Variants in USP9X observed in about 807,000 individuals in gnomAD.
USP9X encodes ubiquitin specific peptidase 9 X-linked, also known as ubiquitin carboxyl-terminal hydrolase 9X.
A neutral mutation model predicts 190.3 loss-of-function variants in USP9X; 7 were observed. That is an observed-to-expected ratio of 0.04 (90% CI 0.02 to 0.07). The LOEUF is 0.07. Ranked by LOEUF, USP9X falls within the 10% of genes least tolerant of loss-of-function variation. The pLI, the probability that USP9X is intolerant of heterozygous loss-of-function variation, is 1.00. For missense variants in USP9X, 1,010 were observed against 1,916.9 expected, an observed-to-expected ratio of 0.53 and a Z score of 8.83; for synonymous variants, 645 against 659.5, an observed-to-expected ratio of 0.98 and a Z score of 0.34.
chrX:41,124,625 A>G (rs2062220670), intron 2 of USP9X, among the ~76,000 whole-genome samples: 2 of 111,654 alleles, frequency 1.8e-5, no homozygotes, highest in African/African-American at 3.3e-5. Flanking sequence ...AGTGTAGCCT[A>G]TGGTTAGCAT....
intron 1 of USP9X, among the ~76,000 whole-genome samples, chrX:41,093,146 G>T (rs2061966063): frequency 9.0e-6 from 1 of 111,657 alleles, no homozygotes. Flanking sequence ...GGGATTATAG[G>T]CCTGAGCCAC....
At chrX:41,202,976 G>C (rs1477923774) in intron 31 of USP9X, among the ~76,000 whole-genome samples, 5 of 111,331 alleles carry the variant, frequency 4.5e-5, no homozygotes, top group African/African-American at 6.5e-5. Flanking sequence ...TTATGTTTTT[G>C]TTTCCATCCC....
chrX:41,200,777 A>T (rs1260186094), intron 30 of USP9X, among the ~76,000 whole-genome samples: 1 of 112,636 alleles, frequency 8.9e-6, no homozygotes, highest in Non-Finnish European at 1.9e-5. Flanking sequence ...GCATGTAGAC[A>T]TTAGAATTAT....
chrX:41,102,176 A>T (rs1450371172), intron 1 of USP9X, among the ~76,000 whole-genome samples: 3 of 112,094 alleles, frequency 2.7e-5, no homozygotes, highest in East Asian at 5.5e-4. Flanking sequence ...ATTTTAAAAA[A>T]CTTAAATATA....
At chrX:41,145,276 A>G (rs952941805) in intron 11 of USP9X, among the ~76,000 whole-genome samples, 19 of 112,093 alleles carry the variant, frequency 1.7e-4, no homozygotes, top group African/African-American at 5.8e-4. Context: ...CAGTGGGAAC[A>G]TAAATTGCTA....
intron 21 of USP9X, among the ~76,000 whole-genome samples, chrX:41,179,387 G>C (rs2062807004): frequency 8.9e-6 from 1 of 111,811 alleles, no homozygotes; most frequent in African/African-American, 3.3e-5. Context: ...TCCAACCCAT[G>C]AACATAGAAT....
intron 14 of USP9X, among the ~76,000 whole-genome samples, chrX:41,155,421 A>G (rs1190354184): frequency 8.9e-6 from 1 of 111,920 alleles, no homozygotes; most frequent in Non-Finnish European, 1.9e-5. Context: ...ACTCATTGGT[A>G]GAATAGTCAT....
rs1300935938 is a variant in USP9X, at chrX:41,236,001, T to TTTTG, written c.*3479_*3482dup. ...CCATGAGCTATTTTACTTTGCTGAA[T>TTTTG]TTTGTGGGTAATTTGGTGGATATAT... On this transcript the variant is annotated 3_prime_UTR_variant, in exon 45 of 45. Transcript: ENST00000378308. 9.0e-6 allele frequency: 1 copy of TTTTG among 111,666 alleles called. No homozygotes were observed. Among genetic ancestry groups the TTTTG allele is most frequent in the African/African-American group, 3.3e-5 (1 of 30,660 alleles). 9.2% of individuals were successfully genotyped at this position (111,666 alleles called of 1,213,427 possible). A position where few individuals can be genotyped will look rare whatever the true frequency, so the allele number is the denominator to read the frequency against.
rs2062492424 is a variant in USP9X at position 41,148,644 on chromosome X, A to G, written c.1626+69A>G. On this transcript the variant is annotated intron_variant, in intron 12 of 44. Transcript: ENST00000378308. ...TCAGTTAGGTTGGCTTAGTTACAGG[A>G]TAGTTCTGTTACTCTGACATTGTTA... is the stretch of plus-strand genomic sequence containing the variant. 9.9e-6 allele frequency: 10 copies of G among 1,009,093 alleles called. No homozygotes were observed. In the East Asian group the frequency reaches 3.1e-4, roughly 31 times the overall value. 83.2% of individuals were successfully genotyped at this position (1,009,093 alleles called of 1,213,427 possible).
chrX:41,144,399 T>G, intron 10 of USP9X, 123 bp from the exon 11 acceptor site: 1 of 560,891 alleles, frequency 1.8e-6, no homozygotes, highest in South Asian at 2.6e-5. Context: ...AGGAATTTTC[T>G]TGTGTTACAT....
At chrX:41,223,109 A>G (rs1013581698) in intron 38 of USP9X, 108 bp from the exon 39 acceptor site, 1 of 740,237 alleles carries the variant, frequency 1.4e-6, no homozygotes, top group African/African-American at 2.2e-5. Context: ...TATAGACAAG[A>G]TATTTTGTAT....
intron 21 of USP9X, among the ~76,000 whole-genome samples, chrX:41,178,084 CTTTTTTTTTT>C (rs758055868): frequency 5.8e-5 from 2 of 34,294 alleles, no homozygotes; most frequent in African/African-American, 1.3e-4. Flanking sequence ...AGGTTTAAAT[CTTTTTTTTTT>C]TTTTTTTTTT....
Position 41,107,617 on chromosome X carries a change from T to C in USP9X, c.-158-15854T>C, listed in dbSNP as rs1271502923. Among the ~76,000 whole-genome samples the C allele has an allele frequency of 2.7e-5, 3 of 112,266 alleles. No homozygotes were observed. In the East Asian group the frequency reaches 8.3e-4, roughly 31 times the overall value. On this transcript the variant is annotated intron_variant, in intron 1 of 44. Coordinates refer to ENST00000378308, the MANE Select transcript of USP9X (RefSeq NM_001039591.3). ...TTGATTCTGATTTCTTCAAATGTCTTTTCTGTTCCCTTTTCTCCCGTTTCT... is the reference window on the plus strand; with the variant it reads ...TTGATTCTGATTTCTTCAAATGTCTCTTCTGTTCCCTTTTCTCCCGTTTCT...
intron 1 of USP9X, among the ~76,000 whole-genome samples, chrX:41,104,953 T>G (rs1407479773): frequency 1.8e-5 from 2 of 111,831 alleles, no homozygotes; most frequent in Non-Finnish European, 3.8e-5. Flanking sequence ...ACTGATCACT[T>G]CAAAGCTATG....
chrX:41,153,002 T>G lies in USP9X; in HGVS notation c.1818T>G (p.Leu606=). 1 of 1,210,699 alleles carries G rather than the reference T, an allele frequency of 8.3e-7. No individual in the cohort carries two copies. The highest frequency in any genetic ancestry group is 1.1e-6 in the Non-Finnish European group (1 of 894,892). The change falls in exon 14 of 45, where the codon CTT becomes CTG. Residue 606 remains leucine, a synonymous_variant. Coordinates refer to ENST00000378308, the MANE Select transcript of USP9X (RefSeq NM_001039591.3). ...VFYRHDLINQ[L]QHNHALVTLV... The stretch of plus-strand genomic sequence containing the variant: ...ATCGCCATGACTTAATCAATCAACT[T>G]CAACACAATCATGCCCTAGTTACTT...
At chrX:41,166,263 A>G (rs750051090) in intron 16 of USP9X, 49 bp downstream of exon 16, 1 of 918,927 alleles carries the variant, frequency 1.1e-6, no homozygotes, top group Admixed American at 3.1e-5. Context: ...GTACTTTTTC[A>G]TGTACGTAAG....
chrX:41,220,967 T>C (rs1213146061), intron 38 of USP9X, among the ~76,000 whole-genome samples: 3 of 99,771 alleles, frequency 3.0e-5, no homozygotes, highest in Non-Finnish European at 4.0e-5. Context: ...AAACTTGTTA[T>C]AATAATAGCT....
intron 1 of USP9X, among the ~76,000 whole-genome samples, chrX:41,087,376 A>G (rs775302439): frequency 8.9e-6 from 1 of 112,289 alleles, no homozygotes; most frequent in South Asian, 3.7e-4. Context: ...GGACTCCTTA[A>G]CCATGACTAG....
intron 21 of USP9X, 89 bp downstream of exon 21, chrX:41,172,047 G>A: frequency 2.8e-6 from 3 of 1,059,084 alleles, no homozygotes; most frequent in Non-Finnish European, 3.8e-6. Context: ...CGTGCTTTTT[G>A]GTATAGACTA....
Sources: gnomAD v4.1 joint callset for allele counts (sites outside exome capture counted in the v4.1 genomes callset) on GRCh38, gnomAD v4.1.1 for gene constraint, MANE v1.5 for transcripts, NCBI Gene and HGNC (gene_info 2026-07-23, HGNC 2026-07-21) for gene names.